The following FMO5 variants were observed in gnomAD, a reference collection of about 807,000 sequenced individuals.
FMO5 encodes the protein flavin containing dimethylaniline monoxygenase 5, also known as flavin-containing monooxygenase 5.
In FMO5, 51 loss-of-function variants were observed where a neutral mutation model predicts 43.6. That is an observed-to-expected ratio of 1.17 (90% CI 0.93 to 1.48). The LOEUF (loss-of-function observed/expected upper bound fraction) is 1.48. Among genes scored for constraint, FMO5 ranks in the 40% most tolerant of loss-of-function variants. The pLI is 0.00. For synonymous variants in FMO5, 187 were observed against 216.5 expected, an observed-to-expected ratio of 0.86 and a Z score of 1.20; for missense variants, 644 against 643.0, an observed-to-expected ratio of 1.00 and a Z score of -0.02.
intron 7 of FMO5, among the ~76,000 whole-genome samples, chr1:147,193,242 G>A (rs1489794069): frequency 1.3e-5 from 2 of 152,094 alleles, no homozygotes; most frequent in African/African-American, 4.8e-5. Context: ...TCTTGGGAGG[G>A]TGTATGTGTT....
At chr1:147,224,106 A>C in intron 2 of FMO5, 1 of 357,956 alleles carries the variant, frequency 2.8e-6, no homozygotes. Flanking sequence ...TGCATTATCA[A>C]GGGTGAGGTA....
Position 147,204,955 on chromosome 1 carries a change from C to G in FMO5, c.831-3451G>C, listed in dbSNP as rs985354168. ...CATGGCCAGCCTGCAGGAAGCCGTT[C>G]ACGTGACCGCTCAGAAGACCGCGGA... On this transcript the variant is annotated intron_variant, in intron 6 of 8. Coordinates refer to ENST00000254090, the MANE Select transcript of FMO5 (RefSeq NM_001461.4). The G allele has an allele frequency of 4.9e-6, 7 of 1,420,370 alleles. No individual in the cohort carries two copies. In the African/African-American group the frequency reaches 7.0e-5, roughly 14 times the overall value. 88.0% of individuals were successfully genotyped at this position (1,420,370 alleles called of 1,614,324 possible). A position where few individuals can be genotyped will look rare whatever the true frequency, so the allele number is the denominator to read the frequency against.
intron 2 of FMO5, among the ~76,000 whole-genome samples, chr1:147,217,886 G>A (rs1425844387): frequency 6.6e-6 from 1 of 152,134 alleles, no homozygotes; most frequent in African/African-American, 2.4e-5. Context: ...TAGATTGTAA[G>A]CCCCTTGAAT....
intron 7 of FMO5, among the ~76,000 whole-genome samples, chr1:147,199,804 T>C (rs1295539767): frequency 1.3e-5 from 2 of 152,188 alleles, no homozygotes; most frequent in African/African-American, 4.8e-5. Context: ...TTTAGAAAGG[T>C]TGTTGAACTA....
chr1:147,207,900 AC>A (rs1348293540), intron 6 of FMO5, among the ~76,000 whole-genome samples: 4 of 152,128 alleles, frequency 2.6e-5, no homozygotes, highest in African/African-American at 9.7e-5. Context: ...ATCTTGTCTC[AC>A]CACTGCCTGA....
intron 8 of FMO5, among the ~76,000 whole-genome samples, chr1:147,188,427 G>A (rs1441135871): frequency 6.6e-6 from 1 of 151,520 alleles, no homozygotes; most frequent in African/African-American, 2.4e-5. Flanking sequence ...GGAGGCTGAG[G>A]CGGGAGAATT....
At position 147,206,244 on chromosome 1, in the gene FMO5, G is replaced by A. The variant is rs1416758982; in HGVS notation, c.830+2608C>T. On this transcript the variant is annotated intron_variant, in intron 6 of 8. Coordinates refer to ENST00000254090, the MANE Select transcript of FMO5 (RefSeq NM_001461.4). ...ACCATCTCACACCAGTTAGAATGGCGATCATTAAAAAGTCAGGAAACAACA... is the reference window on the plus strand; with the variant it reads ...ACCATCTCACACCAGTTAGAATGGCAATCATTAAAAAGTCAGGAAACAACA... Among the ~76,000 whole-genome samples, 322 of 151,418 alleles carry A rather than the reference G, an allele frequency of 2.1e-3. 3 individuals are homozygous for A. Among genetic ancestry groups the A allele is most frequent in the Admixed American group, 4.8e-3 (73 of 15,254 alleles).
At position 147,203,272 on chromosome 1, in the gene FMO5, T is replaced by G. The variant is rs1375795735; in HGVS notation, c.831-1768A>C. The G allele has an allele frequency of 7.7e-6, 12 of 1,557,754 alleles. No homozygotes were observed. In the African/African-American group the frequency reaches 1.5e-4, roughly 19 times the overall value. Reference sequence around the variant, plus strand: ...TCACCTACAGTAAAAATTAAGCCAATTTCAATCATTTTGGTCATCATCCCA... The same window carrying G: ...TCACCTACAGTAAAAATTAAGCCAAGTTCAATCATTTTGGTCATCATCCCA... On this transcript the variant is annotated intron_variant, in intron 6 of 8. Transcript: ENST00000254090.
At chr1:147,223,994 G>A in intron 2 of FMO5, 1 of 421,856 alleles carries the variant, frequency 2.4e-6, no homozygotes, top group South Asian at 1.7e-5. Context: ...CACCTTGGTG[G>A]AGAACAAGAA....
chr1:147,208,979 A>G lies in FMO5; in HGVS notation c.703T>C (p.Leu235=). ...VGDYGYPADV[L]FSSRLTHFIW... Reference sequence around the variant, plus strand: ...AAATGTGTAAGTCGAGAAGAGAACAACACATCAGCAGGATATCCGTAGTCC... The same window carrying G: ...AAATGTGTAAGTCGAGAAGAGAACAGCACATCAGCAGGATATCCGTAGTCC... The change falls in exon 6 of 9, where the codon TTG becomes CTG. Residue 235 remains leucine, a synonymous_variant. Transcript: ENST00000254090. 6.2e-7 allele frequency: 1 copy of G among 1,614,142 alleles called. No homozygotes were observed. Among genetic ancestry groups the G allele is most frequent in the Non-Finnish European group, 8.5e-7 (1 of 1,179,998 alleles).
chr1:147,191,091 C>T (rs1656681266), intron 7 of FMO5, among the ~76,000 whole-genome samples: 1 of 152,118 alleles, frequency 6.6e-6, no homozygotes, highest in South Asian at 2.1e-4. Context: ...CGTTGTTGGA[C>T]ATTTGGCTTG....
At chr1:147,198,755 G>T (rs2101807893) in intron 7 of FMO5, among the ~76,000 whole-genome samples, 1 of 150,232 alleles carries the variant, frequency 6.7e-6, no homozygotes, top group East Asian at 2.0e-4. Context: ...GGAGGCTGAG[G>T]CAGTAGAATG....
Position 147,187,175 on chromosome 1 carries a change from C to A in FMO5, c.1327G>T (p.Val443Leu), listed in dbSNP as rs1353765170. ...GACAGCAGATTGGGCCTGACCCCCA[C>A]CAAATCAGCAAGCTCTTCCATGGTA... Reference protein sequence around the residue: ...IDTMEELADLVGVRPNLLSLA... With the variant: ...IDTMEELADLLGVRPNLLSLA... Residue 443 changes from valine (V) to leucine (L), a missense_variant, in exon 9 of 9, where the codon GTG (valine) becomes TTG (leucine). Val to Leu is a conservative substitution (Grantham distance 32, BLOSUM62 1). Coordinates refer to ENST00000254090, the MANE Select transcript of FMO5 (RefSeq NM_001461.4). The A allele has an allele frequency of 6.2e-7, 1 of 1,613,996 alleles. No homozygotes were observed. The highest frequency in any genetic ancestry group is 1.7e-5 in the Admixed American group (1 of 59,986).
chr1:147,186,257 A>G (rs1036852736), downstream of FMO5: 5 of 923,204 alleles, frequency 5.4e-6, no homozygotes, highest in Non-Finnish European at 6.5e-6. Flanking sequence ...GTGAGCCTAG[A>G]AAGTTGAAAG....
chr1:147,198,977 G>A (rs1449809329), intron 7 of FMO5, among the ~76,000 whole-genome samples: 3 of 151,518 alleles, frequency 2.0e-5, no homozygotes, highest in African/African-American at 7.3e-5. Context: ...GAGATTTGGT[G>A]TAACTTGATA....
At chr1:147,216,301 T>C (rs1423535352) in intron 2 of FMO5, among the ~76,000 whole-genome samples, 2 of 152,126 alleles carry the variant, frequency 1.3e-5, no homozygotes, top group African/African-American at 2.4e-5. Context: ...CCTCACCACA[T>C]GAAGAGAATG....
intron 2 of FMO5, among the ~76,000 whole-genome samples, chr1:147,222,973 C>G (rs1438097678): frequency 1.2e-4 from 18 of 152,312 alleles, no homozygotes; most frequent in African/African-American, 4.3e-4. Flanking sequence ...TAATAACCAA[C>G]ATGTAACACT....
chr1:147,194,024 T>C (rs1657444815), intron 7 of FMO5, among the ~76,000 whole-genome samples: 2 of 152,138 alleles, frequency 1.3e-5, no homozygotes, highest in Admixed American at 6.5e-5. Context: ...CTATTAGGTC[T>C]GCTTGGTGCA....
intron 2 of FMO5, among the ~76,000 whole-genome samples, chr1:147,222,833 A>G (rs987065818): frequency 6.6e-6 from 1 of 152,218 alleles, no homozygotes; most frequent in Non-Finnish European, 1.5e-5. Context: ...ATAATCAGAC[A>G]AGATGATGGA....
Sources: allele counts gnomAD v4.1 joint callset (sites outside exome capture counted in the v4.1 genomes callset), GRCh38; gene constraint gnomAD v4.1.1; transcripts MANE v1.5; gene names NCBI Gene and HGNC (gene_info 2026-07-23, HGNC 2026-07-21).